Variants in CPEB3 observed in about 807,000 individuals in gnomAD.
CPEB3 encodes the protein cytoplasmic polyadenylation element binding protein 3.
CPEB3 carries 20 observed loss-of-function variants against 67.2 expected under a neutral mutation model. The observed-to-expected ratio is 0.30, with a 90% confidence interval of 0.21 to 0.43. The LOEUF is 0.43. CPEB3 is among the 20% of genes least tolerant of loss of function. The pLI is 1.00. For synonymous variants in CPEB3, 376 were observed against 393.1 expected, an observed-to-expected ratio of 0.96 and a Z score of 0.51; for missense variants, 746 against 968.6, an observed-to-expected ratio of 0.77 and a Z score of 3.05.
At chr10:92,253,040 G>C (rs1411254734) in intron 1 of CPEB3, among the ~76,000 whole-genome samples, 1 of 151,938 alleles carries the variant, frequency 6.6e-6, no homozygotes, top group Non-Finnish European at 1.5e-5. Context: ...CTAATTTACA[G>C]TATTAGAAGT....
chr10:92,136,163 TA>T (rs34079997), intron 6 of CPEB3, among the ~76,000 whole-genome samples: 41 of 148,908 alleles, frequency 2.8e-4, no homozygotes, highest in African/African-American at 8.4e-4. Flanking sequence ...AGTATAATAA[TA>T]AAAAAAAAAC....
Position 92,052,075 on chromosome 10 carries a change from A to G in CPEB3, c.*137T>C. The G allele has an allele frequency of 1.7e-6, 1 of 603,988 alleles. No homozygotes were observed. The highest frequency in any genetic ancestry group is 3.0e-5 in the Admixed American group (1 of 33,864). The allele number at this position is 603,988 out of a possible 1,614,324, so 37.4% of individuals were successfully genotyped here. A position where few individuals can be genotyped will look rare whatever the true frequency, so the allele number is the denominator to read the frequency against. On this transcript the variant is annotated 3_prime_UTR_variant, in exon 10 of 10. Transcript: ENST00000265997. ...ATGACTGTAAATAATAATAATAATA[A>G]TAAAAAGACCCAATTCTTCTTTAAA...
At chr10:92,286,236 GCTTTT>G (rs1842521284) in intron 1 of CPEB3, among the ~76,000 whole-genome samples, 1 of 151,878 alleles carries the variant, frequency 6.6e-6, no homozygotes, top group African/African-American at 2.4e-5. Flanking sequence ...CACCCAGCCT[GCTTTT>G]ATTTTTCTAA....
chr10:92,279,812 C>T (rs559967096), intron 1 of CPEB3, among the ~76,000 whole-genome samples: 6 of 152,182 alleles, frequency 3.9e-5, no homozygotes, highest in Admixed American at 6.5e-5. Flanking sequence ...GAGTTTGAGA[C>T]CAGCCTGGAC....
In CPEB3 at chr10:92,049,030, C is replaced by CA. The variant is rs1338532691; in HGVS notation, c.*3181dup. 6.6e-6 allele frequency: 1 copy of CA among 152,182 alleles called. No homozygotes were observed. The highest frequency in any genetic ancestry group is 1.9e-4 in the East Asian group (1 of 5,190). 9.4% of individuals were successfully genotyped at this position (152,182 alleles called of 1,614,324 possible). On this transcript the variant is annotated 3_prime_UTR_variant, in exon 10 of 10. Coordinates refer to ENST00000265997, the MANE Select transcript of CPEB3 (RefSeq NM_014912.5). ...TAAATATGTTTAATTTTTTTCTTAG[C>CA]AAAAAATCTTTCTAAAAATAACAAT...
In CPEB3 at chr10:92,224,718, C is replaced by T. The variant is rs146560294; in HGVS notation, c.1005+14628G>A. 5.7e-4 allele frequency among the ~76,000 whole-genome samples: 86 copies of T among 151,770 alleles called. 2 individuals carry two copies. The East Asian group carries it at 0.014, about 25-fold the overall frequency. ...AAAATTAGCTGGGCATGGTGGTATGCGCCTGTAGTCCTAGCTACCAGGAAG... is the reference window on the plus strand; with the variant it reads ...AAAATTAGCTGGGCATGGTGGTATGTGCCTGTAGTCCTAGCTACCAGGAAG... On this transcript the variant is annotated intron_variant, in intron 2 of 9. Coordinates refer to ENST00000265997, the MANE Select transcript of CPEB3 (RefSeq NM_014912.5).
intron 1 of CPEB3, among the ~76,000 whole-genome samples, chr10:92,288,881 T>G (rs1238575899): frequency 6.6e-6 from 1 of 152,196 alleles, no homozygotes; most frequent in Non-Finnish European, 1.5e-5. Flanking sequence ...GGCTGACAAC[T>G]GCTTAAGAAA....
intron 8 of CPEB3, among the ~76,000 whole-genome samples, chr10:92,088,128 G>A (rs1345073143): frequency 6.6e-6 from 1 of 152,006 alleles, no homozygotes; most frequent in Non-Finnish European, 1.5e-5. Flanking sequence ...CCACAATCAG[G>A]CAATGAGTAA....
In CPEB3 at chr10:92,240,124, G is replaced by A; in HGVS notation, c.227C>T (p.Pro76Leu). The A allele has an allele frequency of 6.4e-7, 1 of 1,573,806 alleles. No homozygotes were observed. Among genetic ancestry groups the A allele is most frequent in the South Asian group, 1.2e-5 (1 of 86,406 alleles). ...ATGGAAACTCAAGCCTGGCAGGAGCGGTGATTCCATCTGCATCTTGTCCGG... is the reference window on the plus strand; with the variant it reads ...ATGGAAACTCAAGCCTGGCAGGAGCAGTGATTCCATCTGCATCTTGTCCGG... The part of the protein sequence containing the change: ...NGPDKMQMES[P>L]LLPGLSFHQP... The change falls in exon 2 of 10, where the codon CCG becomes CTG. Residue 76 changes from proline (P) to leucine (L), a missense_variant. Pro to Leu is a moderately conservative substitution (Grantham distance 98). Transcript: ENST00000265997.
At chr10:92,233,134 C>G (rs1312360326) in intron 2 of CPEB3, among the ~76,000 whole-genome samples, 2 of 151,936 alleles carry the variant, frequency 1.3e-5, no homozygotes, top group Non-Finnish European at 2.9e-5. Context: ...GTTAAGAAAC[C>G]AACTAGAGAA....
intron 6 of CPEB3, chr10:92,118,912 C>A: frequency 9.8e-7 from 1 of 1,022,452 alleles, no homozygotes; most frequent in Non-Finnish European, 1.6e-6. Flanking sequence ...CTCTTTTTGG[C>A]ATGTCAGCCC....
chr10:92,263,062 A>G (rs10882041), intron 1 of CPEB3, among the ~76,000 whole-genome samples: 2,753 of 151,966 alleles, frequency 0.018, 182 homozygotes, highest in East Asian at 0.15. Flanking sequence ...GAGCCATAGC[A>G]CTCGGCCGAA....
At chr10:92,247,304 A>G (rs1179077634) in intron 1 of CPEB3, among the ~76,000 whole-genome samples, 1 of 151,686 alleles carries the variant, frequency 6.6e-6, no homozygotes, top group Non-Finnish European at 1.5e-5. Flanking sequence ...TGCAACCTCC[A>G]CCTCCCAGGT....
chr10:92,212,161 A>C (rs1010516122), intron 2 of CPEB3, among the ~76,000 whole-genome samples: 6 of 151,030 alleles, frequency 4.0e-5, no homozygotes, highest in Admixed American at 1.3e-4. Context: ...GATTATAGGC[A>C]GGAGCCACCG....
At chr10:92,055,190 A>G (rs569634003) in intron 9 of CPEB3, among the ~76,000 whole-genome samples, 1 of 152,364 alleles carries the variant, frequency 6.6e-6, no homozygotes, top group East Asian at 1.9e-4. Flanking sequence ...TGCAGTATTA[A>G]TAAAACAGCA....
At chr10:92,243,639 A>C (rs1851940813) in intron 1 of CPEB3, among the ~76,000 whole-genome samples, 1 of 152,204 alleles carries the variant, frequency 6.6e-6, no homozygotes, top group Non-Finnish European at 1.5e-5. Context: ...ACTGGGGTGG[A>C]GAGGAATAGG....
chr10:92,234,754 G>A (rs998534975), intron 2 of CPEB3, among the ~76,000 whole-genome samples: 3 of 151,846 alleles, frequency 2.0e-5, no homozygotes, highest in South Asian at 2.1e-4. Context: ...GGTAAACCCC[G>A]TCTCTACTAA....
chr10:92,133,507 T>G (rs1845942574), intron 6 of CPEB3, among the ~76,000 whole-genome samples: 2 of 152,134 alleles, frequency 1.3e-5, no homozygotes, highest in Non-Finnish European at 2.9e-5. Flanking sequence ...TAACAGGCTC[T>G]GAAATTGAGG....
chr10:92,147,045 T>C (rs1236472914), intron 4 of CPEB3, among the ~76,000 whole-genome samples: 1 of 152,120 alleles, frequency 6.6e-6, no homozygotes, highest in African/African-American at 2.4e-5. Flanking sequence ...CTAGTAACAT[T>C]AGATACTCAG....
Sources: gnomAD v4.1 joint callset for allele counts (sites outside exome capture counted in the v4.1 genomes callset) on GRCh38, gnomAD v4.1.1 for gene constraint, MANE v1.5 for transcripts, NCBI Gene and HGNC (gene_info 2026-07-23, HGNC 2026-07-21) for gene names.